The following RABGAP1 variants were observed in gnomAD, a reference collection of about 807,000 sequenced individuals.
RABGAP1 encodes the protein rab GTPase-activating protein 1.
Under a neutral mutation model 137.6 loss-of-function variants are expected in RABGAP1, and 23 were observed. The observed-to-expected ratio is 0.17, with a 90% CI of 0.12 to 0.24. The LOEUF (loss-of-function observed/expected upper bound fraction) is 0.24. Ranked by LOEUF, RABGAP1 falls within the 10% of genes least tolerant of loss-of-function variation. The pLI is 1.00. For missense variants in RABGAP1, 906 were observed against 1,275.8 expected (o/e 0.71, Z 4.42); for synonymous variants, 451 against 450.7 (o/e 1.00, Z -0.01).
chr9:122,940,216 C>T (rs182612573), upstream of RABGAP1: 7 of 152,220 alleles, frequency 4.6e-5, no homozygotes, highest in Admixed American at 4.6e-4. Context: ...GTTTTTGTTC[C>T]CAACTGCATT....
intron 1 of RABGAP1, among the ~76,000 whole-genome samples, chr9:122,949,721 A>T (rs931228079): frequency 6.6e-6 from 1 of 151,776 alleles, no homozygotes; most frequent in Non-Finnish European, 1.5e-5. Context: ...AGGAAAAAAA[A>T]AAAGTGTTGA....
At chr9:123,023,390 A>G (rs2031768469) in intron 13 of RABGAP1, among the ~76,000 whole-genome samples, 2 of 152,178 alleles carry the variant, frequency 1.3e-5, no homozygotes, top group South Asian at 4.1e-4. Context: ...CATGTTGGCT[A>G]GGCTCGTCTC....
chr9:122,936,207 A>G (rs1833385459), upstream of RABGAP1, among the ~76,000 whole-genome samples: 1 of 152,182 alleles, frequency 6.6e-6, no homozygotes, highest in South Asian at 2.1e-4. Flanking sequence ...ATTTCTTGCA[A>G]TATTATTTCT....
intron 19 of RABGAP1, among the ~76,000 whole-genome samples, chr9:123,078,297 T>G (rs992025523): frequency 1.3e-5 from 2 of 152,168 alleles, no homozygotes; most frequent in African/African-American, 4.8e-5. Context: ...CATCAGAGTT[T>G]ACATTCTATT....
At chr9:123,009,144 A>C (rs1275508163) in intron 10 of RABGAP1, among the ~76,000 whole-genome samples, 1 of 152,210 alleles carries the variant, frequency 6.6e-6, no homozygotes, top group African/African-American at 2.4e-5. Flanking sequence ...AAACTCACTC[A>C]TTTATTGCCT....
chr9:122,987,064 G>A (rs1836409790), intron 4 of RABGAP1, among the ~76,000 whole-genome samples: 1 of 152,102 alleles, frequency 6.6e-6, no homozygotes, highest in African/African-American at 2.4e-5. Flanking sequence ...CTGAGCCTGG[G>A]AGTTCAAGGC....
At chr9:122,952,469 C>G (rs1050095158) in intron 1 of RABGAP1, among the ~76,000 whole-genome samples, 1 of 151,930 alleles carries the variant, frequency 6.6e-6, no homozygotes, top group Admixed American at 6.6e-5. Flanking sequence ...GGGGTTTCAC[C>G]GTGTTAGCCA....
chr9:123,062,797 T>C (rs918584117), intron 13 of RABGAP1: 1 of 152,040 alleles, frequency 6.6e-6, no homozygotes, highest in Non-Finnish European at 1.5e-5. Flanking sequence ...CTCTCTCTCT[T>C]TTTTTTAATT....
chr9:122,953,197 A>G (rs1834342876), intron 1 of RABGAP1, among the ~76,000 whole-genome samples: 1 of 152,238 alleles, frequency 6.6e-6, no homozygotes, highest in Admixed American at 6.5e-5. Flanking sequence ...TCAGTTAATA[A>G]CTGTTAAATT....
At chr9:123,084,666 G>C (rs2034813082) in intron 19 of RABGAP1, among the ~76,000 whole-genome samples, 1 of 152,312 alleles carries the variant, frequency 6.6e-6, no homozygotes, top group Middle Eastern at 3.4e-3. Flanking sequence ...TTGTAGCTGT[G>C]TCTCTTGATT....
chr9:122,956,765 G>T (rs569867698), intron 1 of RABGAP1, among the ~76,000 whole-genome samples: 1 of 152,002 alleles, frequency 6.6e-6, no homozygotes, highest in African/African-American at 2.4e-5. Context: ...AGTAGTTAGG[G>T]TTATCCTGAA....
intron 14 of RABGAP1, among the ~76,000 whole-genome samples, chr9:123,065,818 A>G (rs565711983): frequency 4.3e-4 from 65 of 152,192 alleles, no homozygotes; most frequent in Non-Finnish European, 7.5e-4. Context: ...CTTGGCACCT[A>G]CGGTACGGTC....
At chr9:122,963,592 A>G (rs1019227704) in intron 2 of RABGAP1, among the ~76,000 whole-genome samples, 1 of 152,222 alleles carries the variant, frequency 6.6e-6, no homozygotes, top group East Asian at 1.9e-4. Context: ...GATACAATAT[A>G]CTAAGACTTA....
At chr9:123,097,008 A>G (rs1412107257) in intron 21 of RABGAP1, among the ~76,000 whole-genome samples, 1 of 152,260 alleles carries the variant, frequency 6.6e-6, no homozygotes, top group African/African-American at 2.4e-5. Flanking sequence ...GGGAAATCCT[A>G]TCCATATCAG....
chr9:123,036,567 A>G (rs2032674094), intron 13 of RABGAP1, among the ~76,000 whole-genome samples: 1 of 152,218 alleles, frequency 6.6e-6, no homozygotes. Context: ...AACATCAGGG[A>G]GAAGGGTGTC....
intron 1 of RABGAP1, among the ~76,000 whole-genome samples, chr9:122,942,037 A>G (rs1340934607): frequency 6.6e-6 from 1 of 152,248 alleles, no homozygotes; most frequent in Non-Finnish European, 1.5e-5. Flanking sequence ...TGTCAGGGAA[A>G]AAAACCTGTT....
intron 19 of RABGAP1, among the ~76,000 whole-genome samples, chr9:123,081,026 C>T (rs2034690956): frequency 6.6e-6 from 1 of 152,088 alleles, no homozygotes; most frequent in Non-Finnish European, 1.5e-5. Context: ...ACCCCTCTTC[C>T]TCCTCCTCCT....
rs139966619 is a variant in RABGAP1 at position 123,010,970 on chromosome 9, C to T, written c.1549+442C>T. Among the ~76,000 whole-genome samples, 306 of 151,286 alleles carry T rather than the reference C, an allele frequency of 2.0e-3. 7 individuals carry two copies. The highest frequency in any genetic ancestry group is 0.015 in the Admixed American group (226 of 15,204). On this transcript the variant is annotated intron_variant, in intron 11 of 25. Coordinates refer to ENST00000373647, the MANE Select transcript of RABGAP1 (RefSeq NM_012197.4). ...TACGTTTATATATTACTATGTTTTA[C>T]ACTGATAAACGTTAAGAATCCACTG...
At chr9:123,003,420 G>T (rs1455273068) in intron 10 of RABGAP1, among the ~76,000 whole-genome samples, 1 of 152,104 alleles carries the variant, frequency 6.6e-6, no homozygotes, top group Non-Finnish European at 1.5e-5. Context: ...ATCTATAAGA[G>T]TATTTTTAGG....
Sources: gnomAD v4.1 joint callset for allele counts (sites outside exome capture counted in the v4.1 genomes callset) on GRCh38, gnomAD v4.1.1 for gene constraint, MANE v1.5 for transcripts, NCBI Gene and HGNC (gene_info 2026-07-23, HGNC 2026-07-21) for gene names.